MAGI1: variants seen among roughly 807,000 people sequenced by gnomAD.
The protein encoded by MAGI1 is membrane associated guanylate kinase, WW and PDZ domain containing 1, also known as membrane-associated guanylate kinase, WW and PDZ domain-containing protein 1.
MAGI1 carries 58 observed loss-of-function variants against 139.9 expected under a neutral mutation model. The ratio of observed to expected loss-of-function variants is 0.41; its 90% CI spans 0.34 to 0.52. The LOEUF (loss-of-function observed/expected upper bound fraction) is 0.52. Among genes scored for constraint, MAGI1 ranks in the 20% least tolerant of loss-of-function variants. The pLI, the probability that MAGI1 is intolerant of heterozygous loss-of-function variation, is 0.12. For missense variants in MAGI1, 1,874 were observed against 1,901.6 expected (o/e 0.99, Z 0.27); for synonymous variants, 812 against 737.9 (o/e 1.10, Z -1.63).
chr3:65,528,013 A>G (rs2078470154), intron 2 of MAGI1, among the ~76,000 whole-genome samples: 1 of 152,192 alleles, frequency 6.6e-6, no homozygotes, highest in Non-Finnish European at 1.5e-5. Flanking sequence ...ACATAAAACA[A>G]AGGCATTTTT....
chr3:65,974,777 G>C (rs1576322466), intron 1 of MAGI1, among the ~76,000 whole-genome samples: 2 of 152,142 alleles, frequency 1.3e-5, no homozygotes, highest in African/African-American at 2.4e-5. Flanking sequence ...AGAGATCCAA[G>C]AGAGAGGGAA....
intron 2 of MAGI1, among the ~76,000 whole-genome samples, chr3:65,571,835 T>C (rs926553607): frequency 1.3e-5 from 2 of 152,052 alleles, no homozygotes; most frequent in African/African-American, 4.8e-5. Context: ...AATGGCATGC[T>C]GACCAAAAAT....
At position 65,749,710 on chromosome 3, in the gene MAGI1, T is replaced by TTAAAAA. The variant is rs67423926; in HGVS notation, c.314-127623_314-127622insTTTTTA. ...ATATAAAACCAGGTCTAGTCTGAGT[T>TTAAAAA]AAAAAAAAAAAAAAAAAACTGCTGT... On this transcript the variant is annotated intron_variant, in intron 1 of 22. Coordinates refer to ENST00000402939, the MANE Select transcript of MAGI1 (RefSeq NM_001033057.2). Among the ~76,000 whole-genome samples the TTAAAAA allele has an allele frequency of 1.5e-5, 2 of 134,828 alleles. 1 individual carries two copies. Among genetic ancestry groups the TTAAAAA allele is most frequent in the Non-Finnish European group, 3.2e-5 (2 of 63,436 alleles). 88.5% of individuals were successfully genotyped at this position (134,828 alleles called of 152,430 possible).
At chr3:65,814,875 G>A (rs1276053753) in intron 1 of MAGI1, among the ~76,000 whole-genome samples, 1 of 152,290 alleles carries the variant, frequency 6.6e-6, no homozygotes, top group Non-Finnish European at 1.5e-5. Flanking sequence ...AAGAGTGTTG[G>A]CATTTTAATA....
intron 1 of MAGI1, among the ~76,000 whole-genome samples, chr3:65,879,404 G>T (rs572097101): frequency 6.6e-6 from 1 of 151,998 alleles, no homozygotes. Context: ...GAAGTCAGGC[G>T]ATTAAGGGAA....
chr3:65,578,966 C>T (rs951693600), intron 2 of MAGI1, among the ~76,000 whole-genome samples: 1 of 150,156 alleles, frequency 6.7e-6, no homozygotes, highest in Non-Finnish European at 1.5e-5. Flanking sequence ...AGAGAGAGAA[C>T]GAACAGATAT....
intron 12 of MAGI1, among the ~76,000 whole-genome samples, chr3:65,411,428 GT>G (rs1945784266): frequency 6.6e-6 from 1 of 152,154 alleles, no homozygotes; most frequent in African/African-American, 2.4e-5. Context: ...TGAAACTATG[GT>G]GGCCTGATAG....
At chr3:65,966,137 G>A (rs533575411) in intron 1 of MAGI1, among the ~76,000 whole-genome samples, 1 of 152,044 alleles carries the variant, frequency 6.6e-6, no homozygotes, top group Non-Finnish European at 1.5e-5. Flanking sequence ...AAAATATTTT[G>A]GACAACAAAC....
chr3:65,416,043 G>A (rs1392227496), intron 12 of MAGI1, among the ~76,000 whole-genome samples: 3 of 152,138 alleles, frequency 2.0e-5, no homozygotes, highest in Admixed American at 6.6e-5. Context: ...CAGAATGCAA[G>A]CCATTTTTAA....
intron 1 of MAGI1, among the ~76,000 whole-genome samples, chr3:66,025,085 T>C (rs892622943): frequency 6.6e-6 from 1 of 152,198 alleles, no homozygotes; most frequent in African/African-American, 2.4e-5. Context: ...TTCGCTAAAA[T>C]GTATGTATGA....
chr3:65,365,342 C>A, intron 18 of MAGI1: 1 of 371,616 alleles, frequency 2.7e-6, no homozygotes, highest in South Asian at 2.2e-5. Context: ...AATGTCTCTA[C>A]CAATGTTTCC....
chr3:65,509,016 G>C (rs2077427219), intron 2 of MAGI1, among the ~76,000 whole-genome samples: 1 of 152,156 alleles, frequency 6.6e-6, no homozygotes, highest in Non-Finnish European at 1.5e-5. Flanking sequence ...CATGATCCTG[G>C]AGCTCTTACA....
At chr3:65,743,204 T>A (rs1347136066) in intron 1 of MAGI1, among the ~76,000 whole-genome samples, 1 of 152,180 alleles carries the variant, frequency 6.6e-6, no homozygotes, top group African/African-American at 2.4e-5. Flanking sequence ...ATAATATTCA[T>A]ATTCTAATGT....
intron 1 of MAGI1, among the ~76,000 whole-genome samples, chr3:65,976,199 A>G (rs1228304415): frequency 6.6e-6 from 1 of 152,226 alleles, no homozygotes; most frequent in Admixed American, 6.5e-5. Flanking sequence ...ATGATATTGT[A>G]AAAGTCATAA....
At chr3:65,554,347 A>C (rs956305892) in intron 2 of MAGI1, among the ~76,000 whole-genome samples, 2 of 152,236 alleles carry the variant, frequency 1.3e-5, no homozygotes, top group Non-Finnish European at 2.9e-5. Context: ...GTCTGACAAA[A>C]GATGACAAGA....
chr3:65,667,913 T>A (rs1031067828), intron 1 of MAGI1, among the ~76,000 whole-genome samples: 3 of 152,158 alleles, frequency 2.0e-5, no homozygotes, highest in Admixed American at 1.3e-4. Context: ...TGGACATGTG[T>A]ATGGCACAGT....
intron 1 of MAGI1, among the ~76,000 whole-genome samples, chr3:65,869,367 TTTGTTG>T (rs200952901): frequency 0.075 from 8,879 of 118,726 alleles, 361 homozygotes; most frequent in East Asian, 0.14. Flanking sequence ...AGACTGGTTT[TTTGTTG>T]TTGTTGTTGT....
At chr3:65,652,136 C>A (rs1037264657) in intron 1 of MAGI1, among the ~76,000 whole-genome samples, 10 of 152,076 alleles carry the variant, frequency 6.6e-5, no homozygotes, top group African/African-American at 2.4e-4. Flanking sequence ...ACTAGTCACG[C>A]CTGTGCAGTG....
At chr3:65,361,379 G>A (rs2106718139) in intron 21 of MAGI1, 42 bp from the exon 22 acceptor site, 1 of 1,602,946 alleles carries the variant, frequency 6.2e-7, no homozygotes, top group South Asian at 1.1e-5. Flanking sequence ...TGAAATTCAT[G>A]TACGGATTCA....
Sources: allele counts gnomAD v4.1 joint callset (sites outside exome capture counted in the v4.1 genomes callset), GRCh38; gene constraint gnomAD v4.1.1; transcripts MANE v1.5; gene names NCBI Gene and HGNC (gene_info 2026-07-23, HGNC 2026-07-21).